The following ECM2 variants were observed in gnomAD, a reference collection of about 807,000 sequenced individuals.
The protein encoded by ECM2 is extracellular matrix protein 2, female organ and adipocyte specific.
A neutral mutation model predicts 67.5 loss-of-function variants in ECM2; 57 were observed. The ratio of observed to expected loss-of-function variants is 0.84; its 90% CI spans 0.68 to 1.05. The LOEUF is 1.05. Among genes scored for constraint, ECM2 ranks in the 50% least tolerant of loss-of-function variants. The pLI is 0.00. For missense variants in ECM2, 741 were observed against 822.8 expected (o/e 0.90, Z 1.22); for synonymous variants, 258 against 294.5 (o/e 0.88, Z 1.27).
chr9:92,495,151 G>A (rs2131130607), downstream of ECM2, among the ~76,000 whole-genome samples: 1 of 152,120 alleles, frequency 6.6e-6, no homozygotes, highest in East Asian at 1.9e-4. Flanking sequence ...ACTATTAAAT[G>A]ATTAAATAAC....
chr9:92,521,496 T>G (rs1268443834), intron 2 of ECM2, among the ~76,000 whole-genome samples: 2 of 152,208 alleles, frequency 1.3e-5, no homozygotes, highest in Non-Finnish European at 2.9e-5. Context: ...TGGAAATAAT[T>G]AACGAAGAAG....
chr9:92,522,960 A>G, intron 1 of ECM2, 67 bp from the exon 2 acceptor site: 1 of 1,408,186 alleles, frequency 7.1e-7, no homozygotes, highest in Non-Finnish European at 9.4e-7. Context: ...TGGCTTATAT[A>G]TTTGCTTGTA....
At chr9:92,540,216 A>G (rs1849285348), upstream of ECM2, among the ~76,000 whole-genome samples, 1 of 152,192 alleles carries the variant, frequency 6.6e-6, no homozygotes, top group Admixed American at 6.5e-5. Context: ...AAGCTGGTGG[A>G]TCATGAGGTC....
chr9:92,500,438 G>C (rs1307797069), intron 9 of ECM2, among the ~76,000 whole-genome samples: 2 of 152,158 alleles, frequency 1.3e-5, no homozygotes, highest in African/African-American at 4.8e-5. Context: ...CCGCCTTGGC[G>C]TCCCAAAGTG....
upstream of ECM2, among the ~76,000 whole-genome samples, chr9:92,538,730 C>G (rs1849247199): frequency 6.6e-6 from 1 of 152,138 alleles, no homozygotes; most frequent in Non-Finnish European, 1.5e-5. Flanking sequence ...TTTATTATTG[C>G]AGACATGATT....
intron 1 of ECM2, among the ~76,000 whole-genome samples, chr9:92,535,681 A>C (rs1849126250): frequency 6.6e-6 from 1 of 152,270 alleles, no homozygotes; most frequent in Non-Finnish European, 1.5e-5. Flanking sequence ...TTTCAAACCA[A>C]TTTATACTTC....
chr9:92,516,558 C>T (rs1226491835), intron 3 of ECM2, among the ~76,000 whole-genome samples: 6 of 152,078 alleles, frequency 3.9e-5, no homozygotes, highest in Non-Finnish European at 7.4e-5. Flanking sequence ...GCAAAACATG[C>T]AGAAGAATAG....
chr9:92,514,849 C>T lies in ECM2; in HGVS notation c.836G>A (p.Gly279Asp), dbSNP rs1490154131. 3.1e-6 allele frequency: 5 copies of T among 1,611,610 alleles called. No homozygotes were observed. In the South Asian group the frequency reaches 3.3e-5, roughly 11 times the overall value. Residue 279 changes from glycine to aspartate, a missense_variant, in exon 4 of 10, where the codon GGT becomes GAT. Gly to Asp is a moderately conservative substitution (Grantham distance 94). Coordinates refer to ENST00000344604, the MANE Select transcript of ECM2 (RefSeq NM_001393.4). ...REEEEDEEEE[G>D]EEGEEDEEDE... ...CTCCTCATCCTCCTCACCCTCCTCA[C>T]CCTCCTCCTCCTCATCCTCCTCCTC...
At chr9:92,501,453 G>A (rs552671191) in intron 8 of ECM2, among the ~76,000 whole-genome samples, 1 of 152,318 alleles carries the variant, frequency 6.6e-6, no homozygotes, top group South Asian at 2.1e-4. Flanking sequence ...TTCCAGCAAG[G>A]AAGTTTGGTT....
rs374021821 is a variant in ECM2 at position 92,532,028 on chromosome 9, TA to T, written c.-28+3904del. Among the ~76,000 whole-genome samples, 1,287 of 129,624 alleles carry T rather than the reference TA, an allele frequency of 9.9e-3. 318 individuals carry two copies. Among genetic ancestry groups the T allele is most frequent in the African/African-American group, 0.018 (525 of 29,104 alleles). The allele number at this position is 129,624 out of a possible 152,430, so 85.0% of individuals were successfully genotyped here. A position where few individuals can be genotyped will look rare whatever the true frequency, so the allele number is the denominator to read the frequency against. On this transcript the variant is annotated intron_variant, in intron 1 of 9. Transcript: ENST00000344604. Reference sequence around the variant, plus strand: ...TTTTTATTTAATGTTTTTTTTTTTTTATTTTATTTTTTTTTTGAGATGAGGT... The same window carrying T: ...TTTTTATTTAATGTTTTTTTTTTTTTTTTTATTTTTTTTTTGAGATGAGGT...
the ECM2 span, among the ~76,000 whole-genome samples, chr9:92,546,364 T>C: frequency 6.6e-6 from 1 of 152,166 alleles, no homozygotes; most frequent in Non-Finnish European, 1.5e-5. Context: ...CTTTGTTCTT[T>C]TGCTCTTTGC....
chr9:92,503,132 C>T (rs1846792275), intron 7 of ECM2, among the ~76,000 whole-genome samples: 1 of 152,014 alleles, frequency 6.6e-6, no homozygotes, highest in East Asian at 1.9e-4. Flanking sequence ...AAACACACTG[C>T]CATGGTTATG....
intron 9 of ECM2, among the ~76,000 whole-genome samples, chr9:92,499,757 C>CA (rs2057204822): frequency 6.6e-6 from 1 of 152,122 alleles, no homozygotes; most frequent in South Asian, 2.1e-4. Context: ...TCTTTGTAGG[C>CA]ATTTAGTTTA....
chr9:92,494,516 G>C (rs956219411), downstream of ECM2, among the ~76,000 whole-genome samples: 1 of 152,100 alleles, frequency 6.6e-6, no homozygotes, highest in Non-Finnish European at 1.5e-5. Flanking sequence ...ATAAGTCTTT[G>C]ACTCTTGAGT....
Position 92,527,134 on chromosome 9 carries a change from G to C in ECM2, c.-27-4241C>G, listed in dbSNP as rs143941655. Among the ~76,000 whole-genome samples the C allele has an allele frequency of 7.2e-3, 1,100 of 152,132 alleles. 16 individuals carry two copies. The highest frequency in any genetic ancestry group is 0.025 in the African/African-American group (1,037 of 41,504). ...AGCCAATCTCACACCTCAGCCTCCC[G>C]AGTAGCTGGGACTACAGACCCGTGC... On this transcript the variant is annotated intron_variant, in intron 1 of 9. Transcript: ENST00000344604.
At chr9:92,536,926 A>C (rs1054376091), upstream of ECM2, among the ~76,000 whole-genome samples, 5 of 150,244 alleles carry the variant, frequency 3.3e-5, no homozygotes, top group African/African-American at 1.2e-4. Context: ...CTAGAGTGCA[A>C]TGTCGTGATC....
At chr9:92,541,948 C>T in the ECM2 span, among the ~76,000 whole-genome samples, 4 of 152,098 alleles carry the variant, frequency 2.6e-5, no homozygotes, top group Admixed American at 6.5e-5. Flanking sequence ...CATCCGCCGC[C>T]GCACCCAGCT....
At chr9:92,559,036 T>G in the ECM2 span, among the ~76,000 whole-genome samples, 1 of 152,030 alleles carries the variant, frequency 6.6e-6, no homozygotes, top group Non-Finnish European at 1.5e-5. Context: ...GCTTGAAAAC[T>G]TACCCGAGGC....
chr9:92,537,752 A>G (rs1849221420), upstream of ECM2, among the ~76,000 whole-genome samples: 1 of 152,254 alleles, frequency 6.6e-6, no homozygotes, highest in African/African-American at 2.4e-5. Context: ...TCAGTGGTCA[A>G]TAAAACAGAA....
Sources: allele counts gnomAD v4.1 joint callset (sites outside exome capture counted in the v4.1 genomes callset), GRCh38; gene constraint gnomAD v4.1.1; transcripts MANE v1.5; gene names NCBI Gene and HGNC (gene_info 2026-07-23, HGNC 2026-07-21).